Variants in CHD6 observed in about 807,000 individuals in gnomAD.
The protein encoded by CHD6 is ATP-dependent chromatin remodeler CHD6.
A neutral mutation model predicts 276.9 loss-of-function variants in CHD6; 50 were observed. The ratio of observed to expected loss-of-function variants is 0.18; its 90% CI spans 0.14 to 0.23. CHD6 has a LOEUF of 0.23. Ranked by LOEUF, CHD6 falls within the 10% of genes least tolerant of loss-of-function variation. CHD6 has a pLI of 1.00. For missense variants in CHD6, 2,564 were observed against 3,365.8 expected (o/e 0.76, Z 5.89); for synonymous variants, 1,173 against 1,229.3 (o/e 0.95, Z 0.96).
intron 17 of CHD6, among the ~76,000 whole-genome samples, chr20:41,467,004 C>A (rs1465905524): frequency 6.6e-6 from 1 of 152,188 alleles, no homozygotes; most frequent in Non-Finnish European, 1.5e-5. Flanking sequence ...ACCACACATA[C>A]TGAGGCCAGT....
chr20:41,612,994 T>C (rs1222399025), intron 1 of CHD6, among the ~76,000 whole-genome samples: 1 of 152,204 alleles, frequency 6.6e-6, no homozygotes, highest in African/African-American at 2.4e-5. Flanking sequence ...AATATTGTTT[T>C]GGCAATTTGC....
intron 1 of CHD6, among the ~76,000 whole-genome samples, chr20:41,609,388 A>G (rs564911866): frequency 3.0e-4 from 46 of 152,334 alleles, no homozygotes; most frequent in Non-Finnish European, 5.7e-4. Context: ...TGTGCCCCAT[A>G]ATCAGTGACA....
At chr20:41,426,027 A>C (rs188106736) in intron 28 of CHD6, 66 bp downstream of exon 28, 128 of 1,164,554 alleles carry the variant, frequency 1.1e-4, no homozygotes, top group Non-Finnish European at 1.4e-4. Flanking sequence ...AATTACATAT[A>C]AACTCCACGA....
chr20:41,516,442 G>C (rs545666997), intron 3 of CHD6, among the ~76,000 whole-genome samples: 1 of 152,136 alleles, frequency 6.6e-6, no homozygotes, highest in African/African-American at 2.4e-5. Flanking sequence ...CCAGAGTGCT[G>C]AGATTACAGG....
chr20:41,516,872 G>A (rs760968930), intron 3 of CHD6, among the ~76,000 whole-genome samples: 3 of 152,106 alleles, frequency 2.0e-5, no homozygotes, highest in South Asian at 2.1e-4. Flanking sequence ...AGGAAGTCTC[G>A]GCAAGTGACA....
chr20:41,406,066 C>T (rs1051207140), intron 36 of CHD6, among the ~76,000 whole-genome samples: 2 of 152,046 alleles, frequency 1.3e-5, no homozygotes, highest in African/African-American at 4.8e-5. Flanking sequence ...CGGAAAGTGA[C>T]GTGTTTAATA....
intron 27 of CHD6, among the ~76,000 whole-genome samples, chr20:41,426,882 G>GA (rs2047380950): frequency 1.3e-5 from 2 of 152,140 alleles, no homozygotes; most frequent in Admixed American, 6.5e-5. Context: ...AAGTGACTGT[G>GA]CTATTTTTCA....
chr20:41,451,459 G>C (rs1049106450), intron 22 of CHD6, among the ~76,000 whole-genome samples: 2 of 152,208 alleles, frequency 1.3e-5, no homozygotes, highest in Non-Finnish European at 2.9e-5. Flanking sequence ...GCCAAGGATA[G>C]GGAAGGAATG....
chr20:41,574,765 G>A (rs1272657293), intron 1 of CHD6, among the ~76,000 whole-genome samples: 2 of 152,072 alleles, frequency 1.3e-5, no homozygotes, highest in African/African-American at 4.8e-5. Context: ...AAAACCATGA[G>A]AACCAAGAAA....
chr20:41,561,931 G>A (rs988341046), intron 1 of CHD6, among the ~76,000 whole-genome samples: 1 of 152,124 alleles, frequency 6.6e-6, no homozygotes, highest in African/African-American at 2.4e-5. Context: ...ATGAGGTTAG[G>A]TACCTGGTGG....
rs553701613 is a variant in CHD6, at chr20:41,548,000, G to A, written c.33+3305C>T. On this transcript the variant is annotated intron_variant, in intron 2 of 36. Coordinates refer to ENST00000373233, the MANE Select transcript of CHD6 (RefSeq NM_032221.5). ...TTACCCAAAATTATACAACTAAATC[G>A]TAAGGTCAGAGTTTCAATCCTGTTC... 399 of 241,110 alleles carry A rather than the reference G, an allele frequency of 1.7e-3. 2 individuals are homozygous for A. The highest frequency in any genetic ancestry group is 2.5e-3 in the Non-Finnish European group (310 of 121,634). 14.9% of individuals were successfully genotyped at this position (241,110 alleles called of 1,614,324 possible).
At chr20:41,581,434 T>C (rs2045537958) in intron 1 of CHD6, among the ~76,000 whole-genome samples, 1 of 152,148 alleles carries the variant, frequency 6.6e-6, no homozygotes, top group Non-Finnish European at 1.5e-5. Flanking sequence ...CCCAGCACTC[T>C]GGGATGCCGA....
intron 5 of CHD6, 135 bp downstream of exon 5, chr20:41,512,710 AG>A (rs1395954090): frequency 1.1e-6 from 1 of 936,906 alleles, no homozygotes; most frequent in Non-Finnish European, 1.7e-6. Context: ...CCAATGCAAC[AG>A]GAAGTCAATC....
At chr20:41,545,810 A>G (rs1314289627) in intron 2 of CHD6, among the ~76,000 whole-genome samples, 1 of 151,990 alleles carries the variant, frequency 6.6e-6, no homozygotes, top group Non-Finnish European at 1.5e-5. Flanking sequence ...AAAACCACCT[A>G]TATTACTCTC....
In CHD6 at chr20:41,404,773, C is replaced by T; in HGVS notation, c.7968G>A (p.Lys2656=). ...GGTTGTCCCCCTTTGTCTTCTTCTT[C>T]TTCCTCTTCTGGCTCTCCAGACCTA... ...EIVGLESQKR[K]KKKTKGDNPN... is the part of the protein sequence containing the mutation. The change falls in exon 37 of 37, where the codon AAG becomes AAA. Residue 2656 remains lysine, a synonymous_variant. Transcript: ENST00000373233. The T allele has an allele frequency of 1.9e-6, 3 of 1,608,946 alleles. No individual in the cohort carries two copies. Among genetic ancestry groups the T allele is most frequent in the Non-Finnish European group, 2.5e-6 (3 of 1,177,330 alleles).
intron 26 of CHD6, among the ~76,000 whole-genome samples, chr20:41,439,067 C>T (rs986174400): frequency 1.8e-4 from 27 of 151,846 alleles, no homozygotes; most frequent in African/African-American, 6.3e-4. Flanking sequence ...GAGATAAATG[C>T]TATGTTTTGG....
intron 2 of CHD6, among the ~76,000 whole-genome samples, chr20:41,543,883 G>A (rs1226538974): frequency 2.0e-5 from 3 of 152,166 alleles, no homozygotes; most frequent in African/African-American, 7.2e-5. Flanking sequence ...CGTTCCTGTT[G>A]CACTTTTGGT....
intron 31 of CHD6, among the ~76,000 whole-genome samples, chr20:41,417,956 G>A (rs1215020252): frequency 6.6e-6 from 1 of 152,214 alleles, no homozygotes; most frequent in East Asian, 1.9e-4. Flanking sequence ...AACGTGAATG[G>A]ATCTTCAAAG....
intron 24 of CHD6, 108 bp downstream of exon 24, chr20:41,447,774 T>G: frequency 3.0e-6 from 2 of 674,662 alleles, no homozygotes; most frequent in South Asian, 2.0e-5. Flanking sequence ...GGGCAGGGGG[T>G]AGGAGGAACA....
Sources: gnomAD v4.1 joint callset for allele counts (sites outside exome capture counted in the v4.1 genomes callset) on GRCh38, gnomAD v4.1.1 for gene constraint, MANE v1.5 for transcripts, NCBI Gene and HGNC (gene_info 2026-07-23, HGNC 2026-07-21) for gene names.